The following NHEJ1 variants were observed in gnomAD, a reference collection of about 807,000 sequenced individuals.
NHEJ1 encodes the protein non-homologous end joining factor 1.
A neutral mutation model predicts 39.4 loss-of-function variants in NHEJ1; 22 were observed. That is an observed-to-expected ratio of 0.56 (90% CI 0.40 to 0.80). The LOEUF is 0.80. NHEJ1 is among the 30% of genes least tolerant of loss of function. NHEJ1 has a pLI of 0.00. For synonymous variants in NHEJ1, 154 were observed against 135.6 expected (o/e 1.14, Z -0.94); for missense variants, 329 against 357.1 (o/e 0.92, Z 0.63).
At chr2:219,082,772 C>T (rs1157717650) in intron 5 of NHEJ1, among the ~76,000 whole-genome samples, 1 of 152,218 alleles carries the variant, frequency 6.6e-6, no homozygotes, top group Admixed American at 6.5e-5. Flanking sequence ...GCAGGGCCCA[C>T]AACACGTGAC....
Position 219,076,251 on chromosome 2 carries a change from C to G in NHEJ1, c.*130G>C. On this transcript the variant is annotated 3_prime_UTR_variant, in exon 8 of 8. Coordinates refer to ENST00000356853, the MANE Select transcript of NHEJ1 (RefSeq NM_024782.3). ...GGGCCTGTCAACATCAACTTCAGTT[C>G]TCTCGCCCTTACAGGAGGCCTCTGA... The G allele has an allele frequency of 6.4e-7, 1 of 1,562,240 alleles. No homozygotes were observed. Among genetic ancestry groups the G allele is most frequent in the Non-Finnish European group, 8.7e-7 (1 of 1,153,498 alleles).
chr2:219,103,171 G>A (rs576002835), intron 5 of NHEJ1, among the ~76,000 whole-genome samples: 57 of 140,250 alleles, frequency 4.1e-4, no homozygotes, highest in East Asian at 1.2e-3. Context: ...AAGCAAAAAC[G>A]GGAAAAAAAA....
chr2:219,154,041 G>C (rs955597922), intron 3 of NHEJ1, among the ~76,000 whole-genome samples: 8 of 152,108 alleles, frequency 5.3e-5, no homozygotes, highest in African/African-American at 1.7e-4. Flanking sequence ...AAAAGACTTA[G>C]GTGTCTACTG....
rs1949003702 is a variant in NHEJ1, at chr2:219,075,449, A to C, written c.*932T>G. 6.6e-6 allele frequency: 1 copy of C among 152,204 alleles called. No homozygotes were observed. Among genetic ancestry groups the C allele is most frequent in the Admixed American group, 6.5e-5 (1 of 15,274 alleles). The allele number at this position is 152,204 out of a possible 1,614,324, so 9.4% of individuals were successfully genotyped here. ...AAGGAGGCATTTAACCATCGAAAGT[A>C]AATAAACCAGAAATTGGATAGGCGT... is the stretch of plus-strand genomic sequence containing the variant. On this transcript the variant is annotated 3_prime_UTR_variant, in exon 8 of 8. Coordinates refer to ENST00000356853, the MANE Select transcript of NHEJ1 (RefSeq NM_024782.3).
At chr2:219,077,177 G>A (rs1949021341) in intron 7 of NHEJ1, 69 bp downstream of exon 7, 1 of 1,144,072 alleles carries the variant, frequency 8.7e-7, no homozygotes, top group Non-Finnish European at 1.3e-6. Context: ...GCAATTCCAG[G>A]GACCACTGGC....
intron 5 of NHEJ1, among the ~76,000 whole-genome samples, chr2:219,096,058 C>A (rs1949205104): frequency 6.6e-6 from 1 of 152,136 alleles, no homozygotes; most frequent in Non-Finnish European, 1.5e-5. Flanking sequence ...GAGAGGGCCA[C>A]TTGGAGAAAG....
At chr2:219,153,577 C>CTAT (rs1194313956) in intron 3 of NHEJ1, among the ~76,000 whole-genome samples, 1 of 151,986 alleles carries the variant, frequency 6.6e-6, no homozygotes, top group African/African-American at 2.4e-5. Context: ...CGGAGGCTTA[C>CTAT]GCCTATAATT....
At position 219,076,471 on chromosome 2, in the gene NHEJ1, C is replaced by A. The variant is rs1415709437; in HGVS notation, c.826-16G>T. ...CTGAAGTACCCTAGAAAAAAGGGAA[C>A]CCAAGTTAGTAGGGGTTTTGAAATA... On this transcript the variant is annotated splice_polypyrimidine_tract_variant and intron_variant, in intron 7 of 7. Coordinates refer to ENST00000356853, the MANE Select transcript of NHEJ1 (RefSeq NM_024782.3). 1 of 1,612,348 alleles carries A rather than the reference C, an allele frequency of 6.2e-7. No individual in the cohort carries two copies. The highest frequency in any genetic ancestry group is 1.7e-4 in the Middle Eastern group (1 of 6,032).
intron 5 of NHEJ1, among the ~76,000 whole-genome samples, chr2:219,122,883 C>T (rs1213033075): frequency 1.3e-5 from 2 of 152,148 alleles, no homozygotes; most frequent in East Asian, 1.9e-4. Context: ...AAGTAGAAAG[C>T]GCATATGCCC....
intron 5 of NHEJ1, among the ~76,000 whole-genome samples, chr2:219,113,694 A>G (rs1949386060): frequency 6.6e-6 from 1 of 152,006 alleles, no homozygotes; most frequent in African/African-American, 2.4e-5. Context: ...CCTTCTATAA[A>G]CTATAGAGAA....
intron 5 of NHEJ1, among the ~76,000 whole-genome samples, chr2:219,129,644 A>G (rs1052435209): frequency 1.3e-5 from 2 of 152,354 alleles, no homozygotes; most frequent in African/African-American, 2.4e-5. Flanking sequence ...CATGCCAAAG[A>G]AGGAGGAAAC....
At chr2:219,149,346 C>T (rs563475598) in intron 3 of NHEJ1, among the ~76,000 whole-genome samples, 59 of 151,982 alleles carry the variant, frequency 3.9e-4, no homozygotes, top group Non-Finnish European at 7.2e-4. Flanking sequence ...ATAACTAGGC[C>T]GGCTCATGCC....
chr2:219,113,185 C>T (rs1033236261), intron 5 of NHEJ1, among the ~76,000 whole-genome samples: 2 of 152,136 alleles, frequency 1.3e-5, no homozygotes, highest in Non-Finnish European at 2.9e-5. Flanking sequence ...TAATATATTA[C>T]AGTTTATATT....
In NHEJ1 at chr2:219,152,789, T is replaced by TTATATTTATTTATTTATTTATTTA. The variant is rs60094718; in HGVS notation, c.390+4682_390+4683insTAAATAAATAAATAAATAAATATA. Among the ~76,000 whole-genome samples the TTATATTTATTTATTTATTTATTTA allele has an allele frequency of 5.7e-5, 5 of 87,784 alleles. No individual in the cohort carries two copies. In the East Asian group the frequency reaches 9.9e-4, roughly 17 times the overall value. The allele number at this position is 87,784 out of a possible 152,430, so 57.6% of individuals were successfully genotyped here. On this transcript the variant is annotated intron_variant, in intron 3 of 7. Coordinates refer to ENST00000356853, the MANE Select transcript of NHEJ1 (RefSeq NM_024782.3). Reference sequence around the variant, plus strand: ...GGATCTCTTTCATTTATTTATTTATTTTTATTTATTTATTTATTTATTTAT... The same window carrying TTATATTTATTTATTTATTTATTTA: ...GGATCTCTTTCATTTATTTATTTATTTATATTTATTTATTTATTTATTTATTTATTTATTTATTTATTTATTTAT...
At chr2:219,158,434 G>C (rs1382724774) in intron 1 of NHEJ1, 72 bp from the exon 2 acceptor site, 2 of 1,421,882 alleles carry the variant, frequency 1.4e-6, no homozygotes, top group Non-Finnish European at 9.9e-7. Flanking sequence ...ACCCAAACCA[G>C]TCTGTATCAA....
Position 219,144,184 on chromosome 2 carries a change from C to CAA in NHEJ1, c.588+2494_588+2495dup, listed in dbSNP as rs746507001. 2.8e-4 allele frequency among the ~76,000 whole-genome samples: 42 copies of CAA among 152,062 alleles called. 1 individual carries two copies. The highest frequency in any genetic ancestry group is 4.9e-4 in the Non-Finnish European group (33 of 68,002). On this transcript the variant is annotated intron_variant, in intron 5 of 7. Transcript: ENST00000356853. ...CCACTGCACTCCAGCCAAAAAAAAG[C>CAA]AACACTGTATCCACAGGCCACAGTG...
intron 5 of NHEJ1, among the ~76,000 whole-genome samples, chr2:219,121,016 G>A (rs1367218267): frequency 6.6e-6 from 1 of 152,106 alleles, no homozygotes; most frequent in Non-Finnish European, 1.5e-5. Context: ...GACCAACATG[G>A]TGAAACCCCA....
chr2:219,144,715 A>T (rs1949719853), intron 5 of NHEJ1, among the ~76,000 whole-genome samples: 1 of 152,198 alleles, frequency 6.6e-6, no homozygotes, highest in South Asian at 2.1e-4. Context: ...TGCAGGCACT[A>T]GATCAGGAAG....
intron 5 of NHEJ1, among the ~76,000 whole-genome samples, chr2:219,145,979 G>C (rs1168410215): frequency 6.6e-6 from 1 of 151,352 alleles, no homozygotes; most frequent in Non-Finnish European, 1.5e-5. Context: ...ATAATACTAA[G>C]GTACTAACTG....
Sources: allele counts gnomAD v4.1 joint callset (sites outside exome capture counted in the v4.1 genomes callset), GRCh38; gene constraint gnomAD v4.1.1; transcripts MANE v1.5; gene names NCBI Gene and HGNC (gene_info 2026-07-23, HGNC 2026-07-21).